CDKL5: variants seen among roughly 807,000 people sequenced by gnomAD.
The protein encoded by CDKL5 is cyclin dependent kinase like 5.
Under a neutral mutation model 61.7 loss-of-function variants are expected in CDKL5, and 8 were observed. The observed-to-expected ratio is 0.13, with a 90% CI of 0.08 to 0.23. The LOEUF (loss-of-function observed/expected upper bound fraction) is 0.23, where lower values mean the gene tolerates loss of function less well. CDKL5 is among the 10% of genes least tolerant of loss of function. CDKL5 has a pLI of 1.00. For missense variants in CDKL5, 440 were observed against 734.5 expected (o/e 0.60, Z 4.63); for synonymous variants, 275 against 272.3 (o/e 1.01, Z -0.10).
chrX:18,533,473 C>T lies in CDKL5; in HGVS notation c.99+22619C>T, dbSNP rs768019424. On this transcript the variant is annotated intron_variant, in intron 3 of 17. Transcript: ENST00000623535. ...AACTCTTCATGTATTATGACAGTAC[C>T]CTAGAAGAAACCCACAAGAATGAAC... 8.1e-5 allele frequency among the ~76,000 whole-genome samples: 9 copies of T among 111,227 alleles called. No individual in the cohort carries two copies. The South Asian group carries it at 1.5e-3, about 19-fold the overall frequency.
chrX:18,445,943 G>T (rs1028376140), intron 1 of CDKL5, among the ~76,000 whole-genome samples: 17 of 110,865 alleles, frequency 1.5e-4, no homozygotes, highest in Admixed American at 1.1e-3. Context: ...GATTTAGAGG[G>T]CAGGGGTGAG....
intron 1 of CDKL5, among the ~76,000 whole-genome samples, chrX:18,495,581 A>T (rs1922139291): frequency 8.9e-6 from 1 of 111,807 alleles, no homozygotes. Context: ...TTAGTACAGG[A>T]TTCCTTTCTA....
At chrX:18,499,862 A>G (rs375056920) in intron 1 of CDKL5, among the ~76,000 whole-genome samples, 1 of 112,365 alleles carries the variant, frequency 8.9e-6, no homozygotes, top group African/African-American at 3.2e-5. Context: ...ATGAGAAACT[A>G]TCTGTAGCAG....
chrX:18,624,251 T>C lies in CDKL5; in HGVS notation c.2377-877T>C, dbSNP rs1037099523. Among the ~76,000 whole-genome samples, 4 of 112,387 alleles carry C rather than the reference T, an allele frequency of 3.6e-5. No homozygotes were observed. The South Asian group carries it at 1.5e-3, about 41-fold the overall frequency. ...TAGTTTGTCATGTCTGATTAGCCAG[T>C]TATGGGCAGATAACATTTATAAAAG... is the stretch of plus-strand genomic sequence containing the variant. On this transcript the variant is annotated intron_variant, in intron 16 of 17. Coordinates refer to ENST00000623535, the MANE Select transcript of CDKL5 (RefSeq NM_001323289.2).
intron 1 of CDKL5, among the ~76,000 whole-genome samples, chrX:18,493,333 C>T (rs1000099137): frequency 4.5e-5 from 5 of 111,965 alleles, no homozygotes; most frequent in Non-Finnish European, 9.4e-5. Flanking sequence ...TGTTATGTCC[C>T]AGAATCTATC....
intron 9 of CDKL5, among the ~76,000 whole-genome samples, chrX:18,594,639 C>T (rs953043148): frequency 8.9e-6 from 1 of 111,968 alleles, no homozygotes; most frequent in African/African-American, 3.2e-5. Flanking sequence ...TTATCATATC[C>T]TTTCTGCTAG....
At chrX:18,645,525 G>T (rs1415268743) in intron 19 of CDKL5, among the ~76,000 whole-genome samples, 1 of 108,862 alleles carries the variant, frequency 9.2e-6, no homozygotes, top group Non-Finnish European at 1.9e-5. Context: ...ACCATCCTGG[G>T]CCCCTCCTCT....
At position 18,481,987 on chromosome X, in the gene CDKL5, G is replaced by A. The variant is rs778651346; in HGVS notation, c.-162-24948G>A. Among the ~76,000 whole-genome samples, 17 of 110,861 alleles carry A rather than the reference G, an allele frequency of 1.5e-4. 1 individual carries two copies. The East Asian group carries it at 4.9e-3, about 32-fold the overall frequency. On this transcript the variant is annotated intron_variant, in intron 1 of 17. Transcript: ENST00000623535. ...GCTACACTCACTGGGCATAGAGCTG[G>A]GGGTGAGGGAGAGGGAATGGGCATG...
chrX:18,485,902 A>G (rs1273438437), intron 1 of CDKL5, among the ~76,000 whole-genome samples: 1 of 111,369 alleles, frequency 9.0e-6, no homozygotes, highest in Non-Finnish European at 1.9e-5. Flanking sequence ...TTTTTTAAAA[A>G]GAGAGAGCGC....
At chrX:18,430,737 G>A (rs956735896) in intron 1 of CDKL5, among the ~76,000 whole-genome samples, 2 of 110,156 alleles carry the variant, frequency 1.8e-5, no homozygotes, top group African/African-American at 3.3e-5. Context: ...GAGCCACTGC[G>A]CCCACCGCTT....
At chrX:18,458,058 T>C (rs1430280333) in intron 1 of CDKL5, among the ~76,000 whole-genome samples, 2 of 106,658 alleles carry the variant, frequency 1.9e-5, no homozygotes, top group African/African-American at 6.8e-5. Flanking sequence ...GTAGCTGGGA[T>C]TACAGGCATG....
intron 14 of CDKL5, among the ~76,000 whole-genome samples, chrX:18,609,973 G>A (rs1926493299): frequency 8.9e-6 from 1 of 112,106 alleles, no homozygotes; most frequent in Non-Finnish European, 1.9e-5. Context: ...TTCCTCGGGA[G>A]GAGAGATGGA....
chrX:18,560,228 A>AC (rs1446977735), intron 3 of CDKL5, among the ~76,000 whole-genome samples: 1 of 111,794 alleles, frequency 8.9e-6, no homozygotes, highest in Admixed American at 9.5e-5. Flanking sequence ...ACAATGGTTG[A>AC]ACTAGTTTAC....
intron 3 of CDKL5, among the ~76,000 whole-genome samples, chrX:18,555,391 A>G (rs747819315): frequency 1.8e-5 from 2 of 112,428 alleles, no homozygotes; most frequent in Non-Finnish European, 3.8e-5. Context: ...CATGATTTTT[A>G]GTGCACAAAA....
intron 1 of CDKL5, among the ~76,000 whole-genome samples, chrX:18,447,812 A>C (rs1261105161): frequency 9.0e-6 from 1 of 110,608 alleles, no homozygotes; most frequent in Non-Finnish European, 1.9e-5. Flanking sequence ...AGTTGCACTT[A>C]TATACAGATG....
At chrX:18,598,349 T>G in intron 10 of CDKL5, 113 bp from the exon 11 acceptor site, 2 of 545,860 alleles carry the variant, frequency 3.7e-6, no homozygotes, top group East Asian at 3.6e-5. Context: ...TGTGTTTACT[T>G]GATATTCTGC....
At chrX:18,626,127 C>T (rs897311875) in intron 17 of CDKL5, among the ~76,000 whole-genome samples, 1 of 105,456 alleles carries the variant, frequency 9.5e-6, no homozygotes, top group African/African-American at 3.5e-5. Flanking sequence ...GGTGCAATGG[C>T]ACAAACTCGG....
chrX:18,594,480 G>A (rs900173752), intron 9 of CDKL5, among the ~76,000 whole-genome samples: 1 of 112,371 alleles, frequency 8.9e-6, no homozygotes, highest in Admixed American at 9.4e-5. Context: ...CATATTAAAA[G>A]CGATGACAGA....
At position 18,541,579 on chromosome X, in the gene CDKL5, G is replaced by A. The variant is rs767830050; in HGVS notation, c.100-22898G>A. 4.5e-5 allele frequency among the ~76,000 whole-genome samples: 5 copies of A among 111,628 alleles called. No individual in the cohort carries two copies. The South Asian group carries it at 1.1e-3, about 25-fold the overall frequency. On this transcript the variant is annotated intron_variant, in intron 3 of 17. Transcript: ENST00000623535. ...AGGGTGTCACTCTATCACCCAGGCT[G>A]GAGTGCAGTTGCACAGTCATTGCTC...
Sources: allele counts gnomAD v4.1 joint callset (sites outside exome capture counted in the v4.1 genomes callset), GRCh38; gene constraint gnomAD v4.1.1; transcripts MANE v1.5; gene names NCBI Gene and HGNC (gene_info 2026-07-23, HGNC 2026-07-21).